ZNF805: variants seen among roughly 807,000 people sequenced by gnomAD.
ZNF805 encodes zinc finger protein 805.
ZNF805 carries 7 observed loss-of-function variants against 13.6 expected under a neutral mutation model. The ratio of observed to expected loss-of-function variants is 0.51; its 90% CI spans 0.29 to 0.97. ZNF805 has a LOEUF of 0.97. Ranked by LOEUF, ZNF805 falls within the 50% of genes least tolerant of loss-of-function variation. ZNF805 has a pLI of 0.08. For missense variants in ZNF805, 604 were observed against 771.0 expected (o/e 0.78, Z 2.57); for synonymous variants, 293 against 279.8 (o/e 1.05, Z -0.47).
At position 57,255,634 on chromosome 19, in the gene ZNF805, A is replaced by G. The variant is rs765803278; in HGVS notation, c.*931A>G. Among the ~76,000 whole-genome samples the G allele has an allele frequency of 1.2e-4, 18 of 152,142 alleles. No homozygotes were observed. The highest frequency in any genetic ancestry group is 2.6e-4 in the Admixed American group (4 of 15,278). On this transcript the variant is annotated 3_prime_UTR_variant, in exon 4 of 4. Transcript: ENST00000414468. ...AATGGCATTGATATTTAAAGTTTCAATATTCACATGATGTTGGCTAGTATA... is the reference window on the plus strand; with the variant it reads ...AATGGCATTGATATTTAAAGTTTCAGTATTCACATGATGTTGGCTAGTATA...
At chr19:57,249,046 AT>A (rs1394250524) in intron 3 of ZNF805, among the ~76,000 whole-genome samples, 1 of 152,190 alleles carries the variant, frequency 6.6e-6, no homozygotes, top group Non-Finnish European at 1.5e-5. Flanking sequence ...CAAAATTTAA[AT>A]GATTCACACA....
Position 57,253,685 on chromosome 19 carries a change from G to C in ZNF805, c.866G>C (p.Cys289Ser). 1 of 1,614,000 alleles carries C rather than the reference G, an allele frequency of 6.2e-7. No individual in the cohort carries two copies. The highest frequency in any genetic ancestry group is 8.5e-7 in the Non-Finnish European group (1 of 1,179,998). ...CACAGTGGAGAGAAGCCTTATAAGT[G>C]CAGTGAATGTGGAAAGGCCTTCACC... ...RIHSGEKPYK[C>S]SECGKAFTHR... Residue 289 changes from cysteine to serine, a missense_variant, in exon 4 of 4, where the codon TGC becomes TCC. This residue lies in a region of ZNF805 where 327 missense variants were observed against 378.2 expected (regional missense o/e 0.86). Coordinates refer to ENST00000414468, the MANE Select transcript of ZNF805 (RefSeq NM_001023563.4). The surrounding 1 kb of genome is among the most constrained non-coding windows in gnomAD (Gnocchi z 4.4).
At chr19:57,252,639 CCATG>C (rs2087658621) in intron 3 of ZNF805, among the ~76,000 whole-genome samples, 1 of 152,296 alleles carries the variant, frequency 6.6e-6, no homozygotes, top group African/African-American at 2.4e-5. Context: ...GCCCACATTG[CCATG>C]TGAAGTTTCC....
At position 57,243,915 on chromosome 19, in the gene ZNF805, C is replaced by CA; in HGVS notation, c.31-7dup. The CA allele has an allele frequency of 6.2e-7, 1 of 1,614,194 alleles. No individual in the cohort carries two copies. The highest frequency in any genetic ancestry group is 1.3e-5 in the African/African-American group (1 of 75,062). ...AGCAAACTCTACTACCTCTATTTGA[C>CA]ATTTCAGGTGTCTGTGACCTTTGAT... On this transcript the variant is annotated splice_region_variant and splice_polypyrimidine_tract_variant and intron_variant, in intron 1 of 3. Transcript: ENST00000414468.
intron 3 of ZNF805, among the ~76,000 whole-genome samples, chr19:57,249,842 G>A (rs1356974261): frequency 2.0e-5 from 3 of 151,144 alleles, no homozygotes; most frequent in African/African-American, 4.9e-5. Context: ...TGTGTGGATT[G>A]GTGCCACTGC....
intron 2 of ZNF805, among the ~76,000 whole-genome samples, chr19:57,245,578 G>A (rs1173921024): frequency 1.3e-5 from 2 of 149,536 alleles, no homozygotes; most frequent in Admixed American, 6.7e-5. Flanking sequence ...AGGAGATAGA[G>A]ACCATCCTGG....
intron 3 of ZNF805, among the ~76,000 whole-genome samples, chr19:57,249,602 G>A (rs1042832663): frequency 1.6e-4 from 25 of 151,798 alleles, no homozygotes; most frequent in African/African-American, 6.0e-4. Context: ...TCTGAACTCT[G>A]GGGAATAGGG....
Position 57,240,728 on chromosome 19 carries a change from C to A in ZNF805, c.-164C>A. On this transcript the variant is annotated 5_prime_UTR_variant, in exon 1 of 4. Transcript: ENST00000414468. ...GAGCAGGTAGGAGGCCGACAGCGACCTCCGCGTCTCGGAGCGAACCGTGAG... is the reference window on the plus strand; with the variant it reads ...GAGCAGGTAGGAGGCCGACAGCGACATCCGCGTCTCGGAGCGAACCGTGAG... 1.6e-6 allele frequency: 1 copy of A among 612,942 alleles called. No homozygotes were observed. 38.0% of individuals were successfully genotyped at this position (612,942 alleles called of 1,614,324 possible). A position where few individuals can be genotyped will look rare whatever the true frequency, so the allele number is the denominator to read the frequency against.
At chr19:57,243,511 C>T (rs907236119) in intron 1 of ZNF805, among the ~76,000 whole-genome samples, 12 of 152,220 alleles carry the variant, frequency 7.9e-5, no homozygotes, top group African/African-American at 2.9e-4. Context: ...CTTGAGAAGT[C>T]TGACTTCAGA....
intron 2 of ZNF805, among the ~76,000 whole-genome samples, chr19:57,248,198 G>C (rs1252671951): frequency 6.8e-6 from 1 of 146,936 alleles, no homozygotes; most frequent in Non-Finnish European, 1.5e-5. Context: ...ATAAAACATT[G>C]CTTAGGATGT....
Position 57,254,793 on chromosome 19 carries a change from C to A in ZNF805, c.*90C>A. 7.3e-7 allele frequency: 1 copy of A among 1,369,522 alleles called. No homozygotes were observed. The highest frequency in any genetic ancestry group is 9.8e-7 in the Non-Finnish European group (1 of 1,015,350). The allele number at this position is 1,369,522 out of a possible 1,614,324, so 84.8% of individuals were successfully genotyped here. A position where few individuals can be genotyped will look rare whatever the true frequency, so the allele number is the denominator to read the frequency against. Reference sequence around the variant, plus strand: ...TAGAGCCTTATTCTCCATCCGAATTCATCCTGGAAAAACACCCAGTGGTTA... The same window carrying A: ...TAGAGCCTTATTCTCCATCCGAATTAATCCTGGAAAAACACCCAGTGGTTA... On this transcript the variant is annotated 3_prime_UTR_variant, in exon 4 of 4. Transcript: ENST00000414468.
At chr19:57,247,536 G>A (rs147445913) in intron 2 of ZNF805, among the ~76,000 whole-genome samples, 4 of 152,270 alleles carry the variant, frequency 2.6e-5, no homozygotes, top group African/African-American at 9.6e-5. Flanking sequence ...AACCATATTC[G>A]CATCCCAGGG....
rs911501227 is a variant in ZNF805, at chr19:57,256,710, T to C, written c.*2007T>C. Reference sequence around the variant, plus strand: ...TGTATCACTTATTATTGTCAGTCTTTGTAGACATATGTCAATTTCATTGAT... The same window carrying C: ...TGTATCACTTATTATTGTCAGTCTTCGTAGACATATGTCAATTTCATTGAT... On this transcript the variant is annotated 3_prime_UTR_variant, in exon 4 of 4. Coordinates refer to ENST00000414468, the MANE Select transcript of ZNF805 (RefSeq NM_001023563.4). Among the ~76,000 whole-genome samples, 1 of 152,270 alleles carries C rather than the reference T, an allele frequency of 6.6e-6. No individual in the cohort carries two copies. The highest frequency in any genetic ancestry group is 1.9e-4 in the East Asian group (1 of 5,186).
intron 3 of ZNF805, among the ~76,000 whole-genome samples, chr19:57,249,323 G>A (rs1219094147): frequency 6.6e-6 from 1 of 152,156 alleles, no homozygotes; most frequent in East Asian, 1.9e-4. Context: ...GCCTGTCCAA[G>A]GAGAAGAGCA....
rs1256109230 is a variant in ZNF805, at chr19:57,260,199, C to T, written c.*5496C>T. Among the ~76,000 whole-genome samples the T allele has an allele frequency of 3.9e-5, 6 of 152,112 alleles. No homozygotes were observed. In the East Asian group the frequency reaches 1.2e-3, roughly 29 times the overall value. ...TTCCCCAACCAAACTTGTCTAAGTCCTCTGTCTTTCATACTCTTGTTTAGT... is the reference window on the plus strand; with the variant it reads ...TTCCCCAACCAAACTTGTCTAAGTCTTCTGTCTTTCATACTCTTGTTTAGT... On this transcript the variant is annotated 3_prime_UTR_variant, in exon 4 of 4. Coordinates refer to ENST00000414468, the MANE Select transcript of ZNF805 (RefSeq NM_001023563.4).
chr19:57,245,572 G>A (rs569791592), intron 2 of ZNF805, among the ~76,000 whole-genome samples: 19 of 150,216 alleles, frequency 1.3e-4, no homozygotes, highest in African/African-American at 4.2e-4. Context: ...AAGGTCAGGA[G>A]ATAGAGACCA....
chr19:57,256,911 T>C lies in ZNF805; in HGVS notation c.*2208T>C, dbSNP rs1219584327. On this transcript the variant is annotated 3_prime_UTR_variant, in exon 4 of 4. Transcript: ENST00000414468. ...TTATTGATTTGAGGCTTTTTTTCTT[T>C]TTTAATATAAGCTTTAAGTTCTATA... Among the ~76,000 whole-genome samples, 7 of 152,164 alleles carry C rather than the reference T, an allele frequency of 4.6e-5. No individual in the cohort carries two copies. The highest frequency in any genetic ancestry group is 1.4e-4 in the African/African-American group (6 of 41,454).
In ZNF805 at chr19:57,253,443, T is replaced by A; in HGVS notation, c.624T>A (p.Cys208Ter). 1 of 1,572,794 alleles carries A rather than the reference T, an allele frequency of 6.4e-7. No homozygotes were observed. Among genetic ancestry groups the A allele is most frequent in the Non-Finnish European group, 8.6e-7 (1 of 1,158,528 alleles). ...AAAATATCTTTAAATGCAATGAATG[T>A]GAAAAAGTGTTTAACAAGAAACGCC... ...EEENIFKCNE[C>*]EKVFNKKRLL... is the part of the protein sequence containing the mutation. The change falls in exon 4 of 4, where the codon TGT (cysteine) becomes TGA (stop). Residue 208 changes from cysteine (C) to a stop codon, truncating the protein, a stop_gained. Coordinates refer to ENST00000414468, the MANE Select transcript of ZNF805 (RefSeq NM_001023563.4). LOFTEE classifies it low-confidence loss of function (END_TRUNC). This position sits in a 1 kb window ranked among gnomAD's most constrained non-coding sequence, Gnocchi z 4.4.
In ZNF805 at chr19:57,253,628, G is replaced by C. The variant is rs1230574690; in HGVS notation, c.809G>C (p.Arg270Pro). ...ATGGAGTGTGGGAAGGCTTTTAATCGGAAGTCACACCTTACCCAGCACCAG... is the reference window on the plus strand; with the variant it reads ...ATGGAGTGTGGGAAGGCTTTTAATCCGAAGTCACACCTTACCCAGCACCAG... Reference protein sequence around the residue: ...KCMECGKAFNRKSHLTQHQRI... With the variant: ...KCMECGKAFNPKSHLTQHQRI... Residue 270 changes from arginine to proline, a missense_variant, in exon 4 of 4, where the codon CGG (arginine) becomes CCG (proline). Transcript: ENST00000414468. This position sits in a 1 kb window ranked among gnomAD's most constrained non-coding sequence, Gnocchi z 4.4. 1.2e-6 allele frequency: 2 copies of C among 1,610,488 alleles called. No individual in the cohort carries two copies. Among genetic ancestry groups the C allele is most frequent in the Admixed American group, 3.4e-5 (2 of 59,690 alleles).
Sources: gnomAD v4.1 joint callset for allele counts (sites outside exome capture counted in the v4.1 genomes callset) on GRCh38, gnomAD v4.1.1 for gene constraint, gnomAD v4.1.1 regional missense constraint, Gnocchi (gnomAD v3.1) non-coding constraint, MANE v1.5 for transcripts, NCBI Gene and HGNC (gene_info 2026-07-23, HGNC 2026-07-21) for gene names.